The following PRKN variants were observed in gnomAD, a reference collection of about 807,000 sequenced individuals.
PRKN encodes the protein E3 ubiquitin-protein ligase parkin.
PRKN carries 56 observed loss-of-function variants against 59.5 expected under a neutral mutation model. The ratio of observed to expected loss-of-function variants is 0.94; its 90% CI spans 0.76 to 1.18. PRKN has a LOEUF of 1.18. PRKN is among the 50% of genes most tolerant of loss of function. The pLI is 0.00. For missense variants in PRKN, 657 were observed against 596.4 expected, an observed-to-expected ratio of 1.10 and a Z score of -1.06; for synonymous variants, 250 against 222.1, an observed-to-expected ratio of 1.13 and a Z score of -1.12.
At chr6:162,163,272 G>A (rs79056843) in intron 4 of PRKN, among the ~76,000 whole-genome samples, 1 of 148,916 alleles carries the variant, frequency 6.7e-6, no homozygotes, top group Non-Finnish European at 1.5e-5. Flanking sequence ...CTTATTAAAC[G>A]GCATCTATGG....
chr6:161,367,539 A>C (rs1325968842), intron 10 of PRKN, among the ~76,000 whole-genome samples: 2 of 151,850 alleles, frequency 1.3e-5, no homozygotes, highest in East Asian at 3.9e-4. Context: ...TAGGGCATGA[A>C]GCAGTTCTGT....
intron 4 of PRKN, among the ~76,000 whole-genome samples, chr6:162,118,260 C>A (rs1005830013): frequency 2.0e-5 from 3 of 151,818 alleles, no homozygotes; most frequent in Non-Finnish European, 4.4e-5. Flanking sequence ...AAAAAATTAG[C>A]CAGGCGTGGT....
intron 9 of PRKN, among the ~76,000 whole-genome samples, chr6:161,425,926 G>C (rs990612521): frequency 2.6e-5 from 4 of 152,022 alleles, no homozygotes; most frequent in Admixed American, 6.6e-5. Context: ...AAAGTGCAGT[G>C]GTCTGTCCTG....
intron 1 of PRKN, among the ~76,000 whole-genome samples, chr6:162,527,992 G>A (rs1018710636): frequency 2.1e-4 from 30 of 143,548 alleles, no homozygotes; most frequent in Non-Finnish European, 6.0e-5. Context: ...ACAATCAACT[G>A]AATTTAATAT....
chr6:162,155,204 G>C (rs1184154173), intron 4 of PRKN, among the ~76,000 whole-genome samples: 1 of 151,862 alleles, frequency 6.6e-6, no homozygotes, highest in East Asian at 1.9e-4. Context: ...ATCCCTGGCA[G>C]TGGCTTACCA....
chr6:161,566,000 G>C (rs978312665), intron 8 of PRKN, among the ~76,000 whole-genome samples: 3 of 152,092 alleles, frequency 2.0e-5, no homozygotes, highest in Non-Finnish European at 4.4e-5. Flanking sequence ...TCCCCCTTCT[G>C]CATCATCAGT....
chr6:162,299,685 C>T (rs1045290627), intron 2 of PRKN, among the ~76,000 whole-genome samples: 6 of 150,206 alleles, frequency 4.0e-5, no homozygotes, highest in Admixed American at 6.6e-5. Context: ...ATATTTATTC[C>T]TTTATATATA....
intron 6 of PRKN, among the ~76,000 whole-genome samples, chr6:161,864,416 T>A (rs1261925403): frequency 2.0e-5 from 3 of 152,194 alleles, no homozygotes; most frequent in Admixed American, 6.5e-5. Flanking sequence ...TTCAGTCACA[T>A]CTTCAGGCTC....
intron 4 of PRKN, among the ~76,000 whole-genome samples, chr6:162,184,872 A>G (rs1454621989): frequency 6.6e-6 from 1 of 152,040 alleles, no homozygotes; most frequent in East Asian, 1.9e-4. Context: ...AAAGTAAACC[A>G]ATTTTCTCCA....
rs371794931 is a variant in PRKN, at chr6:162,462,268, T to C, written c.8-18795A>G. Among the ~76,000 whole-genome samples the C allele has an allele frequency of 3.3e-5, 5 of 152,184 alleles. No homozygotes were observed. The South Asian group carries it at 6.2e-4, about 19-fold the overall frequency. On this transcript the variant is annotated intron_variant, in intron 1 of 11. Transcript: ENST00000366898. ...AGGAAAATGTCAAAATATCTACATG[T>C]TTATATTTTGAATTGAAAGATATTC... is the stretch of plus-strand genomic sequence containing the variant.
chr6:161,425,536 T>G (rs746478337), intron 9 of PRKN, among the ~76,000 whole-genome samples: 2 of 152,112 alleles, frequency 1.3e-5, no homozygotes, highest in Non-Finnish European at 2.9e-5. Context: ...TGGTCTCAAA[T>G]GTCTCAGTTG....
intron 7 of PRKN, among the ~76,000 whole-genome samples, chr6:161,733,796 A>ACG (rs1554298497): frequency 1.3e-5 from 1 of 77,186 alleles, no homozygotes; most frequent in African/African-American, 4.2e-5. Context: ...ATATATATAT[A>ACG]TGTATATATA....
intron 1 of PRKN, among the ~76,000 whole-genome samples, chr6:162,638,739 C>CTT (rs370517141): frequency 1.6e-3 from 157 of 99,624 alleles, no homozygotes; most frequent in South Asian, 3.9e-3. Flanking sequence ...CTAACTATCC[C>CTT]TTTTTTTTTT....
At chr6:162,330,061 C>G (rs1783503716) in intron 2 of PRKN, among the ~76,000 whole-genome samples, 1 of 152,166 alleles carries the variant, frequency 6.6e-6, no homozygotes, top group South Asian at 2.1e-4. Context: ...GAAAGTTCCC[C>G]TCAGGAAAGA....
In PRKN at chr6:161,551,623, C is replaced by T. The variant is rs1251952864; in HGVS notation, c.934-2620G>A. ...TCTTGAAAAGTCATTTCAGTGGAGT[C>T]ATGGAGCCAAAAGCCTTTGGAGTGG... On this transcript the variant is annotated intron_variant, in intron 8 of 11. Coordinates refer to ENST00000366898, the MANE Select transcript of PRKN (RefSeq NM_004562.3). This position sits in a 1 kb window ranked among gnomAD's most constrained non-coding sequence, Gnocchi z 5.2. 1.3e-5 allele frequency among the ~76,000 whole-genome samples: 2 copies of T among 151,998 alleles called. No homozygotes were observed. Among genetic ancestry groups the T allele is most frequent in the African/African-American group, 4.8e-5 (2 of 41,366 alleles).
At chr6:162,089,195 TAAC>T (rs556510752) in intron 4 of PRKN, among the ~76,000 whole-genome samples, 132 of 152,206 alleles carry the variant, frequency 8.7e-4, no homozygotes, top group African/African-American at 3.1e-3. Flanking sequence ...ATTTACAACT[TAAC>T]AAGGAGAAGA....
At chr6:162,334,254 G>C (rs779714550) in intron 2 of PRKN, among the ~76,000 whole-genome samples, 5 of 152,232 alleles carry the variant, frequency 3.3e-5, no homozygotes, top group African/African-American at 1.2e-4. Flanking sequence ...ATTCAGTGTA[G>C]AGAAAACAGC....
In PRKN at chr6:161,347,621, T is replaced by TTG. The variant is rs1554250153; in HGVS notation, c.*2477_*2478insCA. ...GATGATCTTGCTTTTTTGTTTTTGTTTTTTTTTTTTTTTTGAGACAGAGTC... is the reference window on the plus strand; with the variant it reads ...GATGATCTTGCTTTTTTGTTTTTGTTTGTTTTTTTTTTTTTTGAGACAGAGTC... On this transcript the variant is annotated 3_prime_UTR_variant, in exon 12 of 12. Coordinates refer to ENST00000366898, the MANE Select transcript of PRKN (RefSeq NM_004562.3). 2.1e-5 allele frequency: 3 copies of TTG among 144,212 alleles called. No individual in the cohort carries two copies. Among genetic ancestry groups the TTG allele is most frequent in the South Asian group, 2.3e-4 (1 of 4,382 alleles). The allele number at this position is 144,212 out of a possible 1,614,324, so 8.9% of individuals were successfully genotyped here.
At chr6:162,274,172 A>AATTAATTAATTTATTT (rs1439630044) in intron 2 of PRKN, among the ~76,000 whole-genome samples, 23 of 151,388 alleles carry the variant, frequency 1.5e-4, no homozygotes, top group African/African-American at 5.6e-4. Flanking sequence ...TTAATTTATT[A>AATTAATTAATTTATTT]ATTTATTAAT....
Sources: allele counts gnomAD v4.1 joint callset (sites outside exome capture counted in the v4.1 genomes callset), GRCh38; gene constraint gnomAD v4.1.1; non-coding constraint Gnocchi (gnomAD v3.1); transcripts MANE v1.5; gene names NCBI Gene and HGNC (gene_info 2026-07-23, HGNC 2026-07-21).